HYKK: variants seen among roughly 807,000 people sequenced by gnomAD.
HYKK encodes hydroxylysine kinase.
In HYKK, 19 loss-of-function variants were observed where a neutral mutation model predicts 29.7. The ratio of observed to expected loss-of-function variants is 0.64; its 90% confidence interval spans 0.45 to 0.94. The LOEUF (loss-of-function observed/expected upper bound fraction) is 0.94, where lower values mean the gene tolerates loss of function less well. Ranked by LOEUF, HYKK falls within the 40% of genes least tolerant of loss-of-function variation. HYKK has a pLI of 0.00. For synonymous variants in HYKK, 152 were observed against 158.1 expected (o/e 0.96, Z 0.29); for missense variants, 390 against 443.4 (o/e 0.88, Z 1.08).
intron 3 of HYKK, among the ~76,000 whole-genome samples, chr15:78,519,686 G>A (rs554730799): frequency 1.4e-4 from 22 of 152,228 alleles, no homozygotes; most frequent in Admixed American, 5.9e-4. Flanking sequence ...ACTTGAACCC[G>A]GGAGGCGGAG....
chr15:78,526,225 T>A (rs2052253120), intron 3 of HYKK, among the ~76,000 whole-genome samples: 1 of 152,222 alleles, frequency 6.6e-6, no homozygotes, highest in African/African-American at 2.4e-5. Context: ...GTGCCTTCAA[T>A]GTGCCAGGCA....
At chr15:78,529,066 A>G (rs961216436) in intron 4 of HYKK, among the ~76,000 whole-genome samples, 10 of 152,202 alleles carry the variant, frequency 6.6e-5, no homozygotes, top group African/African-American at 1.7e-4. Flanking sequence ...TCACAAATCC[A>G]GTCAAATTCT....
chr15:78,514,908 C>CTCTCTCTATATATA (rs766004199), intron 2 of HYKK, 60 bp from the exon 3 acceptor site: 164 of 385,418 alleles, frequency 4.3e-4, no homozygotes, highest in East Asian at 1.3e-3. Flanking sequence ...CTCTCTCTCT[C>CTCTCTCTATATATA]TATATATATA....
At chr15:78,522,098 T>C (rs978874739) in intron 3 of HYKK, among the ~76,000 whole-genome samples, 16 of 151,938 alleles carry the variant, frequency 1.1e-4, no homozygotes, top group African/African-American at 3.4e-4. Context: ...ACATGAGCCA[T>C]GACGCCCAGC....
At chr15:78,520,402 T>C (rs1202059875) in intron 3 of HYKK, among the ~76,000 whole-genome samples, 1 of 152,128 alleles carries the variant, frequency 6.6e-6, no homozygotes, top group Non-Finnish European at 1.5e-5. Context: ...ACAGTGTTTG[T>C]GTCCCTGGGT....
chr15:78,533,360 T>C lies in HYKK; in HGVS notation c.812T>C (p.Met271Thr), dbSNP rs780762692. ...YYVFEVAITI[M>T]YMMIESKSPI... The stretch of plus-strand genomic sequence containing the variant: ...GTGTTTGAAGTGGCAATTACCATCA[T>C]GTACATGATGATTGAGAGCAAGAGT... The change falls in exon 5 of 5, where the codon ATG becomes ACG. Residue 271 changes from methionine (M) to threonine (T), a missense_variant. Coordinates refer to ENST00000388988, the MANE Select transcript of HYKK (RefSeq NM_001013619.4). 1.2e-5 allele frequency: 19 copies of C among 1,614,110 alleles called. No homozygotes were observed. The highest frequency in any genetic ancestry group is 1.6e-5 in the Non-Finnish European group (19 of 1,180,038).
intron 4 of HYKK, among the ~76,000 whole-genome samples, chr15:78,529,845 A>AG (rs2052292768): frequency 7.5e-6 from 1 of 133,536 alleles, no homozygotes; most frequent in South Asian, 2.4e-4. Context: ...GCATAATTCT[A>AG]AATTTTTTTT....
intron 2 of HYKK, among the ~76,000 whole-genome samples, chr15:78,514,101 G>GT (rs997950960): frequency 2.1e-3 from 295 of 140,992 alleles, no homozygotes; most frequent in Admixed American, 3.2e-3. Flanking sequence ...CTGTTTTTTT[G>GT]TTTTTTTTTT....
chr15:78,517,698 A>T (rs1306474876), intron 3 of HYKK, among the ~76,000 whole-genome samples: 1 of 152,156 alleles, frequency 6.6e-6, no homozygotes, highest in East Asian at 1.9e-4. Context: ...CCTTGAGTGG[A>T]TATACTGAAG....
In HYKK at chr15:78,520,228, A is replaced by C. The variant is rs144899925; in HGVS notation, c.477+5121A>C. Among the ~76,000 whole-genome samples the C allele has an allele frequency of 4.7e-4, 71 of 151,310 alleles. 1 individual carries two copies. Among genetic ancestry groups the C allele is most frequent in the African/African-American group, 1.6e-3 (66 of 41,250 alleles). Reference sequence around the variant, plus strand: ...TTTGCAGGAGCTGAGTTCTTTATTTATTTATTTATTTATTTATTTATTTAT... The same window carrying C: ...TTTGCAGGAGCTGAGTTCTTTATTTCTTTATTTATTTATTTATTTATTTAT... On this transcript the variant is annotated intron_variant, in intron 3 of 4. Coordinates refer to ENST00000388988, the MANE Select transcript of HYKK (RefSeq NM_001013619.4).
chr15:78,522,538 GAC>G (rs965515566), intron 3 of HYKK, among the ~76,000 whole-genome samples: 10 of 130,820 alleles, frequency 7.6e-5, no homozygotes, highest in African/African-American at 2.9e-4. Flanking sequence ...CAGCCTGGGT[GAC>G]AGAGTGAGAC....
chr15:78,517,084 CT>C (rs1214122288), intron 3 of HYKK, among the ~76,000 whole-genome samples: 1 of 114,604 alleles, frequency 8.7e-6, no homozygotes, highest in African/African-American at 3.0e-5. Context: ...AGGTCCTTTT[CT>C]TTTCTTTCTT....
At chr15:78,511,021 A>G (rs1472410788) in intron 1 of HYKK, among the ~76,000 whole-genome samples, 1 of 131,460 alleles carries the variant, frequency 7.6e-6, no homozygotes, top group Non-Finnish European at 1.5e-5. Flanking sequence ...TGCCCAGACT[A>G]GTCTCGAACT....
chr15:78,509,096 A>C (rs2052046248), intron 1 of HYKK, among the ~76,000 whole-genome samples: 1 of 152,026 alleles, frequency 6.6e-6, no homozygotes, highest in African/African-American at 2.4e-5. Context: ...TTTGGTTAAG[A>C]CAGACATGTC....
At chr15:78,523,535 C>G (rs752825405) in intron 3 of HYKK, among the ~76,000 whole-genome samples, 9 of 152,106 alleles carry the variant, frequency 5.9e-5, no homozygotes, top group Non-Finnish European at 1.0e-4. Flanking sequence ...CCCTGTCCTC[C>G]CAAATGTCAT....
At chr15:78,521,670 A>T (rs2052197802) in intron 3 of HYKK, among the ~76,000 whole-genome samples, 1 of 152,110 alleles carries the variant, frequency 6.6e-6, no homozygotes, top group African/African-American at 2.4e-5. Context: ...TTGAGCACCT[A>T]TATGTATGAA....
intron 3 of HYKK, chr15:78,518,598 C>T (rs1324280457): frequency 8.8e-6 from 4 of 455,532 alleles, no homozygotes; most frequent in African/African-American, 2.0e-5. Context: ...GAGGGTAAGC[C>T]CCGCGTTACA....
chr15:78,516,575 C>T lies in HYKK; in HGVS notation c.477+1468C>T, dbSNP rs2052135420. Among the ~76,000 whole-genome samples the T allele has an allele frequency of 2.0e-5, 3 of 151,922 alleles. No homozygotes were observed. The South Asian group carries it at 6.3e-4, about 32-fold the overall frequency. On this transcript the variant is annotated intron_variant, in intron 3 of 4. Coordinates refer to ENST00000388988, the MANE Select transcript of HYKK (RefSeq NM_001013619.4). ...ATGTTGCCCAGGCTGGTCTCAAACT[C>T]CTGAGCTCAAGCAGTCTTCCCGCCT...
downstream of HYKK, chr15:78,536,695 A>T (rs996105191): frequency 1.3e-5 from 2 of 152,254 alleles, no homozygotes; most frequent in African/African-American, 4.8e-5. Flanking sequence ...CATGTGGTTT[A>T]TATAAACTCT....
Sources: gnomAD v4.1 joint callset for allele counts (sites outside exome capture counted in the v4.1 genomes callset) on GRCh38, gnomAD v4.1.1 for gene constraint, MANE v1.5 for transcripts, NCBI Gene and HGNC (gene_info 2026-07-23, HGNC 2026-07-21) for gene names.